PTAFR: variants seen among roughly 807,000 people sequenced by gnomAD.
PTAFR encodes the protein platelet-activating factor receptor.
In PTAFR, 8 loss-of-function variants were observed where a neutral mutation model predicts 14.7. The ratio of observed to expected loss-of-function variants is 0.54; its 90% CI spans 0.32 to 0.98. PTAFR has a LOEUF of 0.98. Ranked by LOEUF, PTAFR falls within the 50% of genes least tolerant of loss-of-function variation. The pLI is 0.04. For synonymous variants in PTAFR, 156 were observed against 176.5 expected (o/e 0.88, Z 0.92); for missense variants, 337 against 451.2 (o/e 0.75, Z 2.29).
rs1646157552 is a variant in PTAFR at position 28,149,823 on chromosome 1, T to C, written c.*170A>G. The C allele has an allele frequency of 2.3e-6, 2 of 860,294 alleles. No individual in the cohort carries two copies. Among genetic ancestry groups the C allele is most frequent in the Admixed American group, 6.0e-5 (2 of 33,206 alleles). The allele number at this position is 860,294 out of a possible 1,614,324, so 53.3% of individuals were successfully genotyped here. A position where few individuals can be genotyped will look rare whatever the true frequency, so the allele number is the denominator to read the frequency against. ...AGGGGCTCATTTGAGTTCTGGATTT[T>C]CCAACAGCCTGGCTCTGCCATCATC... On this transcript the variant is annotated 3_prime_UTR_variant, in exon 2 of 2. Coordinates refer to ENST00000373857, the MANE Select transcript of PTAFR (RefSeq NM_000952.5).
intron 1 of PTAFR, among the ~76,000 whole-genome samples, chr1:28,157,061 G>A (rs1166197909): frequency 6.6e-6 from 1 of 152,206 alleles, no homozygotes; most frequent in Admixed American, 6.5e-5. Context: ...CAGGACTAGA[G>A]TGAAACATGT....
upstream of PTAFR, among the ~76,000 whole-genome samples, chr1:28,179,756 T>G (rs1166558632): frequency 1.3e-5 from 2 of 151,944 alleles, no homozygotes; most frequent in Admixed American, 6.6e-5. Context: ...TGAGAATTGC[T>G]TGAACCCAGG....
intron 1 of PTAFR, among the ~76,000 whole-genome samples, chr1:28,168,465 T>C (rs1038450346): frequency 3.9e-5 from 6 of 152,108 alleles, no homozygotes; most frequent in Admixed American, 3.9e-4. Flanking sequence ...CATGGATGAA[T>C]CTTGAAGACA....
chr1:28,175,092 T>G (rs1646498236), intron 1 of PTAFR, among the ~76,000 whole-genome samples: 1 of 152,082 alleles, frequency 6.6e-6, no homozygotes, highest in Non-Finnish European at 1.5e-5. Flanking sequence ...TTTTGTATTT[T>G]TAGTAGAGAT....
At chr1:28,157,105 A>G (rs1646272751) in intron 1 of PTAFR, among the ~76,000 whole-genome samples, 1 of 152,118 alleles carries the variant, frequency 6.6e-6, no homozygotes, top group Non-Finnish European at 1.5e-5. Flanking sequence ...TTAAGAAGAC[A>G]CTAAACCTCA....
intron 1 of PTAFR, among the ~76,000 whole-genome samples, chr1:28,166,098 A>G (rs112197557): frequency 6.6e-6 from 1 of 152,234 alleles, no homozygotes; most frequent in Non-Finnish European, 1.5e-5. Flanking sequence ...TTGGACTGGC[A>G]TAAAGACAGA....
chr1:28,187,984 C>A (rs1646620608), intron 1 of PTAFR, among the ~76,000 whole-genome samples: 1 of 146,986 alleles, frequency 6.8e-6, no homozygotes, highest in Non-Finnish European at 1.5e-5. Flanking sequence ...TCAAAACCAG[C>A]CTGGGCAACA....
At chr1:28,179,322 C>G (rs544404414), upstream of PTAFR, among the ~76,000 whole-genome samples, 3 of 152,202 alleles carry the variant, frequency 2.0e-5, no homozygotes, top group Admixed American at 6.5e-5. Flanking sequence ...ACTGTTGGCT[C>G]GGCCTGCCTT....
intron 1 of PTAFR, among the ~76,000 whole-genome samples, chr1:28,154,439 G>A (rs1306755028): frequency 6.6e-6 from 1 of 152,086 alleles, no homozygotes; most frequent in African/African-American, 2.4e-5. Context: ...AGGGGGCCCT[G>A]ACCTCAGAGA....
chr1:28,175,203 T>C (rs535222976), intron 1 of PTAFR, among the ~76,000 whole-genome samples: 7 of 152,194 alleles, frequency 4.6e-5, no homozygotes, highest in Non-Finnish European at 7.4e-5. Flanking sequence ...TGAGCCACCA[T>C]GCCCGGCCCA....
At chr1:28,169,623 C>A (rs1234118015) in intron 1 of PTAFR, among the ~76,000 whole-genome samples, 2 of 152,170 alleles carry the variant, frequency 1.3e-5, no homozygotes, top group African/African-American at 2.4e-5. Flanking sequence ...ATTCTCAGGT[C>A]CCTCACTGAA....
intron 1 of PTAFR, among the ~76,000 whole-genome samples, chr1:28,188,344 G>A (rs1646623234): frequency 6.6e-6 from 1 of 152,186 alleles, no homozygotes; most frequent in South Asian, 2.1e-4. Flanking sequence ...TACTTAGGAG[G>A]CTGAGGCATG....
upstream of PTAFR, chr1:28,176,721 C>A (rs1646519399): frequency 6.5e-6 from 1 of 152,924 alleles, no homozygotes; most frequent in African/African-American, 2.4e-5. Flanking sequence ...TACCAAGTCA[C>A]CCCTGGGAGG....
At chr1:28,169,909 G>A (rs1572040459) in intron 1 of PTAFR, among the ~76,000 whole-genome samples, 2 of 151,844 alleles carry the variant, frequency 1.3e-5, no homozygotes, top group African/African-American at 4.8e-5. Context: ...CCGAGGCAGG[G>A]GAATCACTTG....
intron 1 of PTAFR, among the ~76,000 whole-genome samples, chr1:28,174,042 A>G (rs927883962): frequency 1.3e-5 from 2 of 152,120 alleles, no homozygotes; most frequent in African/African-American, 4.8e-5. Flanking sequence ...AGCCAGAGCC[A>G]GCTCCCTGTC....
In PTAFR at chr1:28,154,835, G is replaced by C. The variant is rs368020499; in HGVS notation, c.-38-3776C>G. ...TCAAAAAAAAAAAAAAAAAAAAGTG[G>C]GGGGGGAGGGAGGGCAGCACGGATA... On this transcript the variant is annotated intron_variant, in intron 1 of 1. Coordinates refer to ENST00000373857, the MANE Select transcript of PTAFR (RefSeq NM_000952.5). 9.4e-5 allele frequency among the ~76,000 whole-genome samples: 14 copies of C among 148,964 alleles called. 1 individual carries two copies. The highest frequency in any genetic ancestry group is 8.5e-4 in the South Asian group (4 of 4,718).
Position 28,147,337 on chromosome 1 carries a change from A to G in PTAFR, c.*2656T>C, listed in dbSNP as rs1219295924. On this transcript the variant is annotated 3_prime_UTR_variant, in exon 2 of 2. Transcript: ENST00000373857. Reference sequence around the variant, plus strand: ...GGCTGCGAGAAACAGACACCCAATCAAATCAGCTTCAGCAAAATGAGAGAA... The same window carrying G: ...GGCTGCGAGAAACAGACACCCAATCGAATCAGCTTCAGCAAAATGAGAGAA... 1.3e-5 allele frequency: 2 copies of G among 152,010 alleles called. No homozygotes were observed. The highest frequency in any genetic ancestry group is 4.8e-5 in the African/African-American group (2 of 41,366). The allele number at this position is 152,010 out of a possible 1,614,324, so 9.4% of individuals were successfully genotyped here.
At chr1:28,178,289 C>T (rs1033848334), upstream of PTAFR, among the ~76,000 whole-genome samples, 3 of 151,754 alleles carry the variant, frequency 2.0e-5, no homozygotes, top group African/African-American at 7.3e-5. Flanking sequence ...GAGACAGAGT[C>T]TCACTCTGTC....
In PTAFR at chr1:28,175,235, G is replaced by A. The variant is rs191337418; in HGVS notation, c.-39+1357C>T. The stretch of plus-strand genomic sequence containing the variant: ...CCCACAGAGGTCAGTATTTTAACCT[G>A]CAATCTGCAAAGGAGGAAAGTGGAA... On this transcript the variant is annotated intron_variant, in intron 1 of 1. Coordinates refer to ENST00000373857, the MANE Select transcript of PTAFR (RefSeq NM_000952.5). Among the ~76,000 whole-genome samples, 4 of 152,128 alleles carry A rather than the reference G, an allele frequency of 2.6e-5. No homozygotes were observed. In the East Asian group the frequency reaches 7.7e-4, roughly 29 times the overall value.
Sources: gnomAD v4.1 joint callset for allele counts (sites outside exome capture counted in the v4.1 genomes callset) on GRCh38, gnomAD v4.1.1 for gene constraint, MANE v1.5 for transcripts, NCBI Gene and HGNC (gene_info 2026-07-23, HGNC 2026-07-21) for gene names.